The following ADAM29 variants were observed in gnomAD, a reference collection of about 807,000 sequenced individuals.
ADAM29 encodes disintegrin and metalloproteinase domain-containing protein 29.
For missense variants in ADAM29, 969 were observed against 1,001.8 expected, an observed-to-expected ratio of 0.97 and a Z score of 0.44; for synonymous variants, 367 against 342.3, an observed-to-expected ratio of 1.07 and a Z score of -0.80.
At chr4:174,952,821 G>T (rs1745264223) in intron 4 of ADAM29, among the ~76,000 whole-genome samples, 1 of 152,058 alleles carries the variant, frequency 6.6e-6, no homozygotes, top group Non-Finnish European at 1.5e-5. Flanking sequence ...ATAGTACCCG[G>T]GGGCAAAATA....
In ADAM29 at chr4:174,977,351, T is replaced by C; in HGVS notation, c.1826T>C (p.Ile609Thr). Residue 609 changes from isoleucine to threonine, a missense_variant, in exon 5 of 5, where the codon ATA (isoleucine) becomes ACA (threonine). Ile to Thr is a moderately conservative substitution (Grantham distance 89, BLOSUM62 -1). Coordinates refer to ENST00000359240, the MANE Select transcript of ADAM29 (RefSeq NM_014269.4). ...KDGTECGIDH[I>T]CIHRHCVHIT... The stretch of plus-strand genomic sequence containing the variant: ...GGAACAGAGTGTGGGATAGATCATA[T>C]ATGCATCCACAGGCACTGTGTCCAT... The C allele has an allele frequency of 6.2e-7, 1 of 1,613,670 alleles. No individual in the cohort carries two copies. The highest frequency in any genetic ancestry group is 8.5e-7 in the Non-Finnish European group (1 of 1,180,020).
chr4:174,956,528 A>T (rs1178023980), intron 4 of ADAM29, among the ~76,000 whole-genome samples: 1 of 151,206 alleles, frequency 6.6e-6, no homozygotes, highest in East Asian at 1.9e-4. Flanking sequence ...GAGAGAAAAA[A>T]AAGAGAGAGA....
intron 4 of ADAM29, among the ~76,000 whole-genome samples, chr4:174,963,474 T>A (rs1010971235): frequency 3.3e-5 from 5 of 152,138 alleles, no homozygotes; most frequent in African/African-American, 1.2e-4. Flanking sequence ...ACATGTGGAA[T>A]TTGCTTTAAA....
At chr4:174,952,266 G>A (rs1289027898) in intron 4 of ADAM29, among the ~76,000 whole-genome samples, 1 of 151,602 alleles carries the variant, frequency 6.6e-6, no homozygotes, top group Non-Finnish European at 1.5e-5. Context: ...ATTCCTAGCT[G>A]CTGCGATGAT....
chr4:174,955,083 AT>A (rs34206570), intron 4 of ADAM29, among the ~76,000 whole-genome samples: 63,498 of 151,630 alleles, frequency 0.42, 13,851 homozygotes, highest in African/African-American at 0.54. Context: ...TATTAAATGC[AT>A]TTTTTTTCAA....
rs1488606276 is a variant in ADAM29 at position 174,976,208 on chromosome 4, T to C, written c.683T>C (p.Ile228Thr). The part of the protein sequence containing the change: ...DSKLLEDLYV[I>T]VNIVDSILDV... ...AAGTTGCTGGAGGATCTATATGTTA[T>C]TGTTAATATAGTGGATTCCATTTTG... The change falls in exon 5 of 5, where the codon ATT (isoleucine) becomes ACT (threonine). Residue 228 changes from isoleucine (I) to threonine (T), a missense_variant. Ile to Thr is a moderately conservative substitution (Grantham distance 89). Coordinates refer to ENST00000359240, the MANE Select transcript of ADAM29 (RefSeq NM_014269.4). 6.2e-7 allele frequency: 1 copy of C among 1,606,552 alleles called. No individual in the cohort carries two copies. The highest frequency in any genetic ancestry group is 8.5e-7 in the Non-Finnish European group (1 of 1,177,556).
chr4:174,923,788 G>A (rs1212366557), intron 2 of ADAM29: 1 of 152,068 alleles, frequency 6.6e-6, no homozygotes, highest in Non-Finnish European at 1.5e-5. Flanking sequence ...AGTCCACTGG[G>A]TGGGATATAA....
chr4:174,927,969 T>C (rs1044945698), intron 2 of ADAM29, among the ~76,000 whole-genome samples: 1 of 152,156 alleles, frequency 6.6e-6, no homozygotes, highest in African/African-American at 2.4e-5. Flanking sequence ...GATTATGGGC[T>C]GGGAAACACT....
At chr4:174,935,291 A>G (rs572460455) in intron 3 of ADAM29, among the ~76,000 whole-genome samples, 27 of 152,250 alleles carry the variant, frequency 1.8e-4, no homozygotes, top group Admixed American at 3.9e-4. Context: ...ATCAAATTTC[A>G]AGGTACCTTC....
At chr4:174,941,604 G>A (rs1359723342) in intron 4 of ADAM29, among the ~76,000 whole-genome samples, 2 of 151,996 alleles carry the variant, frequency 1.3e-5, no homozygotes, top group African/African-American at 4.8e-5. Flanking sequence ...ACTGTCATGG[G>A]AACAGCATGG....
chr4:174,950,989 C>A (rs1431940999), intron 4 of ADAM29, among the ~76,000 whole-genome samples: 1 of 152,142 alleles, frequency 6.6e-6, no homozygotes, highest in African/African-American at 2.4e-5. Flanking sequence ...GGCCTCCCAG[C>A]CATGCTTCCT....
At chr4:174,940,775 C>T (rs1356229461) in intron 4 of ADAM29, among the ~76,000 whole-genome samples, 1 of 152,014 alleles carries the variant, frequency 6.6e-6, no homozygotes, top group Non-Finnish European at 1.5e-5. Context: ...TCAGCATGGT[C>T]ATGATTATAC....
intron 2 of ADAM29, among the ~76,000 whole-genome samples, chr4:174,928,394 A>G (rs892283313): frequency 2.6e-5 from 4 of 151,862 alleles, no homozygotes; most frequent in Non-Finnish European, 5.9e-5. Context: ...CGCATCCTGT[A>G]ACTGACTGGT....
intron 2 of ADAM29, among the ~76,000 whole-genome samples, chr4:174,930,238 A>G (rs1255398359): frequency 6.6e-6 from 1 of 152,116 alleles, no homozygotes; most frequent in Non-Finnish European, 1.5e-5. Context: ...CCTCTCTCAT[A>G]TATATCTATA....
chr4:174,924,832 G>A (rs889962963), intron 2 of ADAM29, among the ~76,000 whole-genome samples: 2 of 152,120 alleles, frequency 1.3e-5, no homozygotes, highest in Non-Finnish European at 2.9e-5. Context: ...TTCCATGTGG[G>A]CTATGCAAGT....
intron 3 of ADAM29, among the ~76,000 whole-genome samples, chr4:174,931,904 T>C (rs1743904516): frequency 6.6e-6 from 1 of 152,134 alleles, no homozygotes; most frequent in African/African-American, 2.4e-5. Context: ...TAATTAACTA[T>C]AATGTATTTT....
At chr4:174,954,453 T>C (rs4280711) in intron 4 of ADAM29, among the ~76,000 whole-genome samples, 63,626 of 151,978 alleles carry the variant, frequency 0.42, 13,870 homozygotes, top group African/African-American at 0.54. Context: ...TTTTTCTCAA[T>C]ATTTCTCCAA....
At chr4:174,922,643 G>A (rs561476191) in intron 2 of ADAM29, among the ~76,000 whole-genome samples, 1 of 152,078 alleles carries the variant, frequency 6.6e-6, no homozygotes, top group East Asian at 1.9e-4. Flanking sequence ...AGACCCTCAC[G>A]GCTGTGACAG....
chr4:174,939,123 A>G (rs1744373110), intron 4 of ADAM29, among the ~76,000 whole-genome samples: 1 of 152,166 alleles, frequency 6.6e-6, no homozygotes, highest in Non-Finnish European at 1.5e-5. Flanking sequence ...TTCTGCAAAG[A>G]GTCTTTCTTC....
Sources: gnomAD v4.1 joint callset for allele counts (sites outside exome capture counted in the v4.1 genomes callset) on GRCh38, gnomAD v4.1.1 for gene constraint, MANE v1.5 for transcripts, NCBI Gene and HGNC (gene_info 2026-07-23, HGNC 2026-07-21) for gene names.